The following SASH1 variants were observed in gnomAD, a reference collection of about 807,000 sequenced individuals.
SASH1 encodes the protein SAM and SH3 domain-containing protein 1.
Under a neutral mutation model 125.2 loss-of-function variants are expected in SASH1, and 44 were observed. The ratio of observed to expected loss-of-function variants is 0.35; its 90% CI spans 0.28 to 0.45. SASH1 has a LOEUF of 0.45. SASH1 is among the 20% of genes least tolerant of loss of function. The pLI, the probability that SASH1 is intolerant of heterozygous loss-of-function variation, is 1.00. For missense variants in SASH1, 1,426 were observed against 1,614.5 expected (o/e 0.88, Z 2.00); for synonymous variants, 639 against 649.1 (o/e 0.98, Z 0.24).
the SASH1 span, among the ~76,000 whole-genome samples, chr6:148,266,127 C>T: frequency 6.6e-6 from 1 of 152,106 alleles, no homozygotes; most frequent in East Asian, 1.9e-4. Flanking sequence ...TGCCCACCAC[C>T]ACGCCCAGCT....
At chr6:148,420,093 A>C (rs1354426370) in intron 2 of SASH1, among the ~76,000 whole-genome samples, 1 of 152,218 alleles carries the variant, frequency 6.6e-6, no homozygotes, top group East Asian at 1.9e-4. Context: ...AGTGCCCTGC[A>C]AAGATCTATG....
intron 2 of SASH1, among the ~76,000 whole-genome samples, chr6:148,414,427 T>G (rs377583376): frequency 1.1e-4 from 16 of 152,206 alleles, no homozygotes; most frequent in African/African-American, 3.9e-4. Flanking sequence ...TTATTAGCTA[T>G]GTGATTATGA....
At chr6:148,445,864 G>A (rs1776746549) in intron 4 of SASH1, among the ~76,000 whole-genome samples, 1 of 152,122 alleles carries the variant, frequency 6.6e-6, no homozygotes, top group Non-Finnish European at 1.5e-5. Flanking sequence ...GCTCCCTTCA[G>A]GGGGCCCAGG....
intron 8 of SASH1, among the ~76,000 whole-genome samples, chr6:148,509,741 C>G (rs1487404628): frequency 2.6e-5 from 4 of 152,204 alleles, no homozygotes; most frequent in Non-Finnish European, 4.4e-5. Context: ...TTACTTGGAG[C>G]AGGGAGAGGA....
At chr6:148,221,228 T>A in the SASH1 span, among the ~76,000 whole-genome samples, 2 of 152,154 alleles carry the variant, frequency 1.3e-5, no homozygotes, top group South Asian at 4.1e-4. Flanking sequence ...GCCCAATAAA[T>A]CTGAGCCTAT....
rs199902907 is a variant in SASH1 at position 148,449,078 on chromosome 6, C to T, written c.386+8671C>T. On this transcript the variant is annotated intron_variant, in intron 4 of 19. Coordinates refer to ENST00000367467, the MANE Select transcript of SASH1 (RefSeq NM_015278.5). Reference sequence around the variant, plus strand: ...GAGACTGGCTAATTTCATTTCATTTCTTTTTTTTTTTTTTTGGAGACAGAG... The same window carrying T: ...GAGACTGGCTAATTTCATTTCATTTTTTTTTTTTTTTTTTTGGAGACAGAG... 7.8e-4 allele frequency among the ~76,000 whole-genome samples: 69 copies of T among 88,670 alleles called. 1 individual carries two copies. The highest frequency in any genetic ancestry group is 1.1e-3 in the Non-Finnish European group (49 of 43,406). 58.2% of individuals were successfully genotyped at this position (88,670 alleles called of 152,430 possible). A position where few individuals can be genotyped will look rare whatever the true frequency, so the allele number is the denominator to read the frequency against.
chr6:148,533,824 C>A lies in SASH1; in HGVS notation c.1788C>A (p.Gly596=). The A allele has an allele frequency of 6.2e-7, 1 of 1,613,918 alleles. No individual in the cohort carries two copies. The highest frequency in any genetic ancestry group is 8.5e-7 in the Non-Finnish European group (1 of 1,179,974). The change falls in exon 15 of 20, where the codon GGC becomes GGA. Residue 596 remains glycine, a synonymous_variant. Coordinates refer to ENST00000367467, the MANE Select transcript of SASH1 (RefSeq NM_015278.5). This position sits in a 1 kb window ranked among gnomAD's most constrained non-coding sequence, Gnocchi z 6.2. ...ISKPPMGTWM[G]LLNNKVGTFK... is the part of the protein sequence containing the mutation. ...AGCCACCCATGGGGACCTGGATGGG[C>A]CTGCTGAACAACAAAGTCGGCACGT...
intron 2 of SASH1, among the ~76,000 whole-genome samples, chr6:148,431,846 T>C (rs1776073921): frequency 6.6e-6 from 1 of 152,080 alleles, no homozygotes; most frequent in Non-Finnish European, 1.5e-5. Flanking sequence ...TTTTTAGGTT[T>C]AAAACATGGA....
intron 4 of SASH1, among the ~76,000 whole-genome samples, chr6:148,442,230 C>T (rs1776574768): frequency 1.3e-5 from 2 of 151,742 alleles, no homozygotes; most frequent in Non-Finnish European, 2.9e-5. Flanking sequence ...GATCCAGCAC[C>T]AGCCCCCCGC....
At chr6:148,281,248 G>A (rs777004857) in intron 1 of SASH1, among the ~76,000 whole-genome samples, 15 of 150,310 alleles carry the variant, frequency 1.0e-4, no homozygotes, top group East Asian at 4.1e-4. Context: ...GTGAGCCACC[G>A]CGCCTGGCTG....
At chr6:148,491,512 C>G (rs1052497579) in intron 8 of SASH1, among the ~76,000 whole-genome samples, 3 of 152,178 alleles carry the variant, frequency 2.0e-5, no homozygotes, top group African/African-American at 7.2e-5. Context: ...TCAGGTGATT[C>G]ACCCGCCTCG....
chr6:148,474,049 T>C (rs1461611132), intron 6 of SASH1, 61 bp from the exon 7 acceptor site: 2 of 1,023,236 alleles, frequency 2.0e-6, no homozygotes, highest in Non-Finnish European at 3.0e-6. Flanking sequence ...ATGTTCCGCA[T>C]TGACGTTCTG....
chr6:148,487,743 G>A lies in SASH1; in HGVS notation c.729+28G>A, dbSNP rs544753529. ...GAGTTTATCATGTCTTTGACATCTT[G>A]ATCACCTACGCCGATAAGGGACAGT... is the stretch of plus-strand genomic sequence containing the variant. On this transcript the variant is annotated intron_variant, in intron 8 of 19. Transcript: ENST00000367467. 9 of 1,470,678 alleles carry A rather than the reference G, an allele frequency of 6.1e-6. No homozygotes were observed. In the South Asian group the frequency reaches 1.0e-4, roughly 17 times the overall value. The allele number at this position is 1,470,678 out of a possible 1,614,324, so 91.1% of individuals were successfully genotyped here.
intron 1 of SASH1, among the ~76,000 whole-genome samples, chr6:148,365,434 A>T (rs1782411812): frequency 6.7e-6 from 1 of 149,020 alleles, no homozygotes; most frequent in Non-Finnish European, 1.5e-5. Flanking sequence ...TTTAACTGAG[A>T]CATCTTGCAG....
At chr6:148,247,534 C>T in the SASH1 span, among the ~76,000 whole-genome samples, 2 of 152,244 alleles carry the variant, frequency 1.3e-5, no homozygotes, top group South Asian at 4.2e-4. Context: ...ATCCTGAACC[C>T]CTTATGGAGA....
chr6:148,349,761 T>A (rs1236500447), intron 1 of SASH1, among the ~76,000 whole-genome samples: 2 of 152,176 alleles, frequency 1.3e-5, no homozygotes, highest in South Asian at 2.1e-4. Context: ...ATGGTAACTT[T>A]CTTTTGATAA....
At chr6:148,233,005 C>G in the SASH1 span, among the ~76,000 whole-genome samples, 1 of 151,984 alleles carries the variant, frequency 6.6e-6, no homozygotes, top group African/African-American at 2.4e-5. Flanking sequence ...CACCTGAGAT[C>G]GAGAGTTCAA....
intron 4 of SASH1, among the ~76,000 whole-genome samples, chr6:148,465,723 A>G (rs1354836217): frequency 6.6e-6 from 1 of 152,168 alleles, no homozygotes; most frequent in African/African-American, 2.4e-5. Flanking sequence ...TGCAAAGTAC[A>G]GCACAGTAAG....
At chr6:148,271,890 A>T (rs1417143725), upstream of SASH1, among the ~76,000 whole-genome samples, 1 of 152,140 alleles carries the variant, frequency 6.6e-6, no homozygotes. Flanking sequence ...TTGTGGAAAA[A>T]CTATATTCAA....
Sources: allele counts gnomAD v4.1 joint callset (sites outside exome capture counted in the v4.1 genomes callset), GRCh38; gene constraint gnomAD v4.1.1; non-coding constraint Gnocchi (gnomAD v3.1); transcripts MANE v1.5; gene names NCBI Gene and HGNC (gene_info 2026-07-23, HGNC 2026-07-21).